The following GPRC6A variants were observed in gnomAD, a reference collection of about 807,000 sequenced individuals.
The protein encoded by GPRC6A is G protein-coupled receptor class C group 6 member A, also known as G protein-coupled receptor family C group 6 member A.
Under a neutral mutation model 47.0 loss-of-function variants are expected in GPRC6A, and 54 were observed. That is an observed-to-expected ratio of 1.15 (90% CI 0.92 to 1.44). The LOEUF (loss-of-function observed/expected upper bound fraction) is 1.44, where lower values mean the gene tolerates loss of function less well. Among genes scored for constraint, GPRC6A ranks in the 40% most tolerant of loss-of-function variants. The pLI, the probability that GPRC6A is intolerant of heterozygous loss-of-function variation, is 0.00. For synonymous variants in GPRC6A, 347 were observed against 377.1 expected, an observed-to-expected ratio of 0.92 and a Z score of 0.93; for missense variants, 1,112 against 1,105.5, an observed-to-expected ratio of 1.01 and a Z score of -0.08.
At chr6:116,811,383 G>A (rs749979217) in intron 1 of GPRC6A, among the ~76,000 whole-genome samples, 54 of 151,434 alleles carry the variant, frequency 3.6e-4, no homozygotes, top group Non-Finnish European at 5.7e-4. Context: ...AAGAACACAG[G>A]AAACATGAAA....
chr6:116,807,305 C>A, intron 2 of GPRC6A, 99 bp from the exon 3 acceptor site: 1 of 717,524 alleles, frequency 1.4e-6, no homozygotes. Flanking sequence ...ATTTTCATGA[C>A]TTTCCTTAAA....
At chr6:116,824,121 A>G (rs1582482336) in intron 1 of GPRC6A, among the ~76,000 whole-genome samples, 2 of 152,274 alleles carry the variant, frequency 1.3e-5, no homozygotes, top group South Asian at 4.1e-4. Context: ...AAGGAAGTAT[A>G]TAGCAATGAA....
At chr6:116,818,482 C>T (rs868321782) in intron 1 of GPRC6A, among the ~76,000 whole-genome samples, 123 of 111,978 alleles carry the variant, frequency 1.1e-3, no homozygotes, top group Admixed American at 2.7e-3. Context: ...TGCAGTGAGC[C>T]GAGATCCCGC....
chr6:116,794,285 C>A (rs145472510), intron 5 of GPRC6A, among the ~76,000 whole-genome samples: 1 of 152,154 alleles, frequency 6.6e-6, no homozygotes, highest in Non-Finnish European at 1.5e-5. Context: ...CTCCTCTTTC[C>A]GAACTCTATT....
In GPRC6A at chr6:116,792,788, G is replaced by A. The variant is rs142578038; in HGVS notation, c.2135C>T (p.Thr712Met). Residue 712 changes from threonine (T) to methionine (M), a missense_variant, in exon 6 of 6, where the codon ACG becomes ATG. Thr to Met is a moderately conservative substitution (Grantham distance 81). Transcript: ENST00000310357. ...TGTGCAAATGACAACCTGGATGCCC[G>A]TGCAAGTGAAGATAATAAGGATCGG... is the stretch of plus-strand genomic sequence containing the variant. ...YRPILIIFTC[T>M]GIQVVICTLW... The A allele has an allele frequency of 3.5e-5, 57 of 1,613,892 alleles. No individual in the cohort carries two copies. Among genetic ancestry groups the A allele is most frequent in the South Asian group, 3.5e-4 (32 of 91,082 alleles).
chr6:116,818,289 C>T lies in GPRC6A; in HGVS notation c.195-8672G>A, dbSNP rs556945499. ...GTGGCTCACGCCTGTAATCCCAGCA[C>T]TTTGGGAGGCCGAGGCGGGCGGATC... On this transcript the variant is annotated intron_variant, in intron 1 of 5. Transcript: ENST00000310357. Among the ~76,000 whole-genome samples, 14 of 151,772 alleles carry T rather than the reference C, an allele frequency of 9.2e-5. No individual in the cohort carries two copies. The South Asian group carries it at 2.7e-3, about 29-fold the overall frequency.
At chr6:116,800,206 CTCTTT>C (rs1478506854) in intron 4 of GPRC6A, among the ~76,000 whole-genome samples, 19 of 138,482 alleles carry the variant, frequency 1.4e-4, no homozygotes, top group Non-Finnish European at 3.0e-4. Flanking sequence ...CTCCCTCTCT[CTCTTT>C]TCTTTTCTTT....
chr6:116,800,504 T>C (rs1772636251), intron 4 of GPRC6A, 80 bp downstream of exon 4: 1 of 864,040 alleles, frequency 1.2e-6, no homozygotes, highest in Non-Finnish European at 2.0e-6. Context: ...ATGAGTATGA[T>C]GAAGAGTGGG....
intron 1 of GPRC6A, among the ~76,000 whole-genome samples, chr6:116,822,271 A>C (rs1773516499): frequency 3.0e-5 from 2 of 67,632 alleles, no homozygotes; most frequent in African/African-American, 1.3e-4. Flanking sequence ...TGGGACTGTA[A>C]ACTAGTTCAA....
At chr6:116,795,867 T>A in intron 4 of GPRC6A, 32 bp from the exon 5 acceptor site, 1 of 1,449,214 alleles carries the variant, frequency 6.9e-7, no homozygotes. Context: ...AAATCACAAG[T>A]AAATTTGTAA....
chr6:116,801,321 G>T (rs1055877076), intron 3 of GPRC6A, among the ~76,000 whole-genome samples: 1 of 152,110 alleles, frequency 6.6e-6, no homozygotes, highest in Non-Finnish European at 1.5e-5. Context: ...TACCTAATTT[G>T]CACAGTGAGA....
In GPRC6A at chr6:116,792,131, C is replaced by T; in HGVS notation, c.*11G>A. 6.2e-7 allele frequency: 1 copy of T among 1,603,538 alleles called. No individual in the cohort carries two copies. The highest frequency in any genetic ancestry group is 8.5e-7 in the Non-Finnish European group (1 of 1,174,182). On this transcript the variant is annotated 3_prime_UTR_variant, in exon 6 of 6. Coordinates refer to ENST00000310357, the MANE Select transcript of GPRC6A (RefSeq NM_148963.4). ...ATTTTATTCTGGAATGTGGCATCTC[C>T]TAAGGCTTATTCATATACTTGACAT...
In GPRC6A at chr6:116,806,072, T is replaced by C. The variant is rs1159258768; in HGVS notation, c.1335+298A>G. ...CTAACTCTTGTGTTTTTTAAGAGCATTTAAAAGCGATAATTTATATGACTC... is the reference window on the plus strand; with the variant it reads ...CTAACTCTTGTGTTTTTTAAGAGCACTTAAAAGCGATAATTTATATGACTC... On this transcript the variant is annotated intron_variant, in intron 3 of 5. Transcript: ENST00000310357. Among the ~76,000 whole-genome samples the C allele has an allele frequency of 2.0e-5, 3 of 152,056 alleles. No homozygotes were observed. In the East Asian group the frequency reaches 5.8e-4, roughly 29 times the overall value.
intron 1 of GPRC6A, among the ~76,000 whole-genome samples, chr6:116,827,215 A>G (rs990508957): frequency 6.6e-6 from 1 of 152,016 alleles, no homozygotes; most frequent in African/African-American, 2.4e-5. Context: ...AATTGTTCCC[A>G]ATATATAGAA....
intron 3 of GPRC6A, among the ~76,000 whole-genome samples, chr6:116,801,091 T>A (rs1772661555): frequency 6.6e-6 from 1 of 152,126 alleles, no homozygotes; most frequent in African/African-American, 2.4e-5. Context: ...TTAGAATGGG[T>A]CCCCTGGTAT....
chr6:116,802,117 T>C (rs1772694093), intron 3 of GPRC6A, among the ~76,000 whole-genome samples: 1 of 152,182 alleles, frequency 6.6e-6, no homozygotes, highest in Non-Finnish European at 1.5e-5. Flanking sequence ...AATTAGGCTT[T>C]ATAGGCTAAA....
At chr6:116,794,949 G>T (rs1772430341) in intron 5 of GPRC6A, among the ~76,000 whole-genome samples, 1 of 152,044 alleles carries the variant, frequency 6.6e-6, no homozygotes, top group African/African-American at 2.4e-5. Flanking sequence ...ATAGGCATTT[G>T]GGGACTATTC....
intron 1 of GPRC6A, among the ~76,000 whole-genome samples, chr6:116,827,745 CT>C (rs146387354): frequency 8.0e-5 from 12 of 149,486 alleles, no homozygotes; most frequent in Non-Finnish European, 1.3e-4. Flanking sequence ...TAATTATTAA[CT>C]TTTTTTTTTA....
chr6:116,814,726 C>CA (rs1457490764), intron 1 of GPRC6A, among the ~76,000 whole-genome samples: 1 of 151,400 alleles, frequency 6.6e-6, no homozygotes, highest in East Asian at 1.9e-4. Flanking sequence ...AAGTTGTGCA[C>CA]ATGTACCCTA....
Sources: allele counts gnomAD v4.1 joint callset (sites outside exome capture counted in the v4.1 genomes callset), GRCh38; gene constraint gnomAD v4.1.1; transcripts MANE v1.5; gene names NCBI Gene and HGNC (gene_info 2026-07-23, HGNC 2026-07-21).